Variants in METTL1 observed in about 807,000 individuals in gnomAD.
METTL1 encodes methyltransferase 1, tRNA methylguanosine, also known as tRNA (guanine-N(7)-)-methyltransferase.
METTL1 carries 14 observed loss-of-function variants against 27.7 expected under a neutral mutation model. That is an observed-to-expected ratio of 0.51 (90% CI 0.33 to 0.79). The LOEUF (loss-of-function observed/expected upper bound fraction) is 0.79. Ranked by LOEUF, METTL1 falls within the 30% of genes least tolerant of loss-of-function variation. The pLI is 0.02. For missense variants in METTL1, 333 were observed against 359.6 expected (o/e 0.93, Z 0.60); for synonymous variants, 138 against 137.0 (o/e 1.01, Z -0.05).
At chr12:57,771,623 A>G in intron 1 of METTL1, 2 of 1,535,400 alleles carry the variant, frequency 1.3e-6, no homozygotes, top group African/African-American at 1.4e-5. Context: ...GAGGGAAGGT[A>G]AGGTAAGGTG....
intron 1 of METTL1, chr12:57,771,547 T>C (rs748620376): frequency 2.0e-6 from 3 of 1,534,432 alleles, no homozygotes; most frequent in Non-Finnish European, 2.6e-6. Flanking sequence ...GGGGCACAAG[T>C]TCCCCTTCTC....
chr12:57,772,087 C>G lies in METTL1; in HGVS notation c.-4G>C. 1 of 1,570,294 alleles carries G rather than the reference C, an allele frequency of 6.4e-7. No homozygotes were observed. Among genetic ancestry groups the G allele is most frequent in the Non-Finnish European group, 8.6e-7 (1 of 1,165,072 alleles). ...CGTTCCGAGTCTCGGCTGCCATGAT[C>G]CCAGTCCGGGGTTTCTCTACCAAAT... On this transcript the variant is annotated 5_prime_UTR_variant, in exon 1 of 6. Coordinates refer to ENST00000324871, the MANE Select transcript of METTL1 (RefSeq NM_005371.6). The surrounding 1 kb of genome is among the most constrained non-coding windows in gnomAD (Gnocchi z 4.1).
At chr12:57,771,367 T>C (rs1249248658) in intron 1 of METTL1, 110 bp from the exon 2 acceptor site, 2 of 1,480,406 alleles carry the variant, frequency 1.4e-6, no homozygotes, top group African/African-American at 2.8e-5. Context: ...GGGAGGAGGG[T>C]TTCTCAAAAA....
At chr12:57,769,181 T>G in intron 5 of METTL1, 30 bp from the exon 6 acceptor site, 2 of 1,602,826 alleles carry the variant, frequency 1.2e-6, no homozygotes, top group Non-Finnish European at 1.7e-6. Flanking sequence ...AATAAGTCCT[T>G]GCCCACTGTT....
At position 57,770,023 on chromosome 12, in the gene METTL1, A is replaced by G. The variant is rs1955410872; in HGVS notation, c.275-67T>C. The G allele has an allele frequency of 9.4e-6, 14 of 1,483,342 alleles. No homozygotes were observed. In the South Asian group the frequency reaches 1.7e-4, roughly 18 times the overall value. The allele number at this position is 1,483,342 out of a possible 1,614,324, so 91.9% of individuals were successfully genotyped here. Reference sequence around the variant, plus strand: ...GTAGGAAGTGCAAAGGGGTCAACACAGGAAAGGAAGCCTCAACCTGCAACT... The same window carrying G: ...GTAGGAAGTGCAAAGGGGTCAACACGGGAAAGGAAGCCTCAACCTGCAACT... On this transcript the variant is annotated intron_variant, in intron 2 of 5. Transcript: ENST00000324871.
chr12:57,771,358 G>A, intron 1 of METTL1, 101 bp from the exon 2 acceptor site: 2 of 1,495,370 alleles, frequency 1.3e-6, no homozygotes, highest in Non-Finnish European at 1.8e-6. Context: ...GAGGTAAAAG[G>A]GAGGAGGGTT....
At position 57,769,155 on chromosome 12, in the gene METTL1, G is replaced by A; in HGVS notation, c.676-4C>T. The A allele has an allele frequency of 1.3e-6, 2 of 1,599,734 alleles. No individual in the cohort carries two copies. Among genetic ancestry groups the A allele is most frequent in the Non-Finnish European group, 1.7e-6 (2 of 1,167,698 alleles). ...GTCCCACAACGGGGTCTTCACTCTGGGAGAAGGAAGGGTCCAATAAGTCCT... is the reference window on the plus strand; with the variant it reads ...GTCCCACAACGGGGTCTTCACTCTGAGAGAAGGAAGGGTCCAATAAGTCCT... On this transcript the variant is annotated splice_region_variant and splice_polypyrimidine_tract_variant and intron_variant, in intron 5 of 5. Coordinates refer to ENST00000324871, the MANE Select transcript of METTL1 (RefSeq NM_005371.6).
chr12:57,769,720 C>G lies in METTL1; in HGVS notation c.460-42G>C, dbSNP rs148946550. The G allele has an allele frequency of 1.9e-4, 309 of 1,606,912 alleles. 2 individuals are homozygous for G. In the East Asian group the frequency reaches 5.8e-3, roughly 30 times the overall value. On this transcript the variant is annotated intron_variant, in intron 3 of 5. Coordinates refer to ENST00000324871, the MANE Select transcript of METTL1 (RefSeq NM_005371.6). ...CACCAACAGGGTTGTGAGAGCCTGG[C>G]CTCCATGCCCCCACCTGCCTACCAG... is the stretch of plus-strand genomic sequence containing the variant.
Position 57,769,476 on chromosome 12 carries a change from G to A in METTL1, c.574-72C>T, listed in dbSNP as rs1346354325. The stretch of plus-strand genomic sequence containing the variant: ...GCAGCCAGATGAAGGAAGTGGTGGT[G>A]TGAGTCCCTAAATGCACCCCCACTG... On this transcript the variant is annotated intron_variant, in intron 4 of 5. Coordinates refer to ENST00000324871, the MANE Select transcript of METTL1 (RefSeq NM_005371.6). 3.8e-6 allele frequency: 6 copies of A among 1,594,864 alleles called. No homozygotes were observed. In the East Asian group the frequency reaches 1.3e-4, roughly 36 times the overall value.
At position 57,768,626 on chromosome 12, in the gene METTL1, G is replaced by C. The variant is rs546732409; in HGVS notation, c.*370C>G. The C allele has an allele frequency of 5.9e-5, 13 of 220,116 alleles. No homozygotes were observed. Among genetic ancestry groups the C allele is most frequent in the Non-Finnish European group, 1.0e-4 (11 of 109,450 alleles). 13.6% of individuals were successfully genotyped at this position (220,116 alleles called of 1,614,324 possible). A position where few individuals can be genotyped will look rare whatever the true frequency, so the allele number is the denominator to read the frequency against. ...TATCCCAGGATCCACAAAGCAAACA[G>C]AAGTGGTAATTGAGCCTAGCAAGCA... On this transcript the variant is annotated 3_prime_UTR_variant, in exon 6 of 6. Transcript: ENST00000324871.
intron 2 of METTL1, 38 bp from the exon 3 acceptor site, chr12:57,769,994 A>C: frequency 1.3e-6 from 2 of 1,555,044 alleles, no homozygotes; most frequent in Non-Finnish European, 1.7e-6. Flanking sequence ...TCAACCATAT[A>C]CTTGTAGGAA....
At chr12:57,770,878 C>T (rs975329863) in intron 2 of METTL1, 1 of 502,070 alleles carries the variant, frequency 2.0e-6, no homozygotes, top group Admixed American at 3.2e-5. Context: ...CCAGAAAGGA[C>T]AACCCAGGTT....
At position 57,772,078 on chromosome 12, in the gene METTL1, T is replaced by G. The variant is rs755913495; in HGVS notation, c.6A>C (p.Ala2=). 4.5e-6 allele frequency: 7 copies of G among 1,565,050 alleles called. No homozygotes were observed. The Middle Eastern group carries it at 5.1e-4, about 114-fold the overall frequency. The stretch of plus-strand genomic sequence containing the variant: ...CTCCGGCCACGTTCCGAGTCTCGGC[T>G]GCCATGATCCCAGTCCGGGGTTTCT... M[A]AETRNVAGAE... The change falls in exon 1 of 6, where the codon GCA becomes GCC. Residue 2 remains alanine (A), a synonymous_variant. Transcript: ENST00000324871. This position sits in a 1 kb window ranked among gnomAD's most constrained non-coding sequence, Gnocchi z 4.1.
Position 57,769,424 on chromosome 12 carries a change from C to T in METTL1, c.574-20G>A. 6.2e-7 allele frequency: 1 copy of T among 1,613,516 alleles called. No homozygotes were observed. The highest frequency in any genetic ancestry group is 1.1e-5 in the South Asian group (1 of 91,032). ...CAGCCCCTGCATAGGCAAAATCACC[C>T]TAGACAGGAGGCTGCATGCAACGTC... On this transcript the variant is annotated intron_variant, in intron 4 of 5. Transcript: ENST00000324871.
intron 2 of METTL1, chr12:57,770,802 T>C: frequency 3.2e-6 from 1 of 308,610 alleles, no homozygotes; most frequent in East Asian, 6.0e-5. Flanking sequence ...TAATCTCTGA[T>C]GCTTGTGCTG....
intron 1 of METTL1, chr12:57,771,611 G>A (rs1287678544): frequency 7.2e-6 from 11 of 1,535,334 alleles, no homozygotes; most frequent in Middle Eastern, 1.7e-4. Context: ...GTGCTCTGCG[G>A]GGAGGGAAGG....
Position 57,769,559 on chromosome 12 carries a change from A to T in METTL1, c.573+6T>A. 1 of 1,551,850 alleles carries T rather than the reference A, an allele frequency of 6.4e-7. No individual in the cohort carries two copies. The highest frequency in any genetic ancestry group is 8.7e-7 in the Non-Finnish European group (1 of 1,146,390). On this transcript the variant is annotated splice_donor_region_variant and intron_variant, in intron 4 of 5. Transcript: ENST00000324871. ...TCACCCCATCATCCCTCCGATCCCAACTCACCCCAACTCTTAGCACGTAGG... is the reference window on the plus strand; with the variant it reads ...TCACCCCATCATCCCTCCGATCCCATCTCACCCCAACTCTTAGCACGTAGG...
rs1243564464 is a variant in METTL1, at chr12:57,768,717, G to A, written c.*279C>T. On this transcript the variant is annotated 3_prime_UTR_variant, in exon 6 of 6. Coordinates refer to ENST00000324871, the MANE Select transcript of METTL1 (RefSeq NM_005371.6). Reference sequence around the variant, plus strand: ...TCTCACAAGGAGAAAGGAGTGCTAAGGAAGAGCAAGACCCCACAGCCTTCC... The same window carrying A: ...TCTCACAAGGAGAAAGGAGTGCTAAAGAAGAGCAAGACCCCACAGCCTTCC... 2.5e-6 allele frequency: 1 copy of A among 394,960 alleles called. No individual in the cohort carries two copies. The highest frequency in any genetic ancestry group is 6.7e-4 in the Middle Eastern group (1 of 1,488). 24.5% of individuals were successfully genotyped at this position (394,960 alleles called of 1,614,324 possible). A position where few individuals can be genotyped will look rare whatever the true frequency, so the allele number is the denominator to read the frequency against.
intron 2 of METTL1, 124 bp from the exon 3 acceptor site, chr12:57,770,080 G>T: frequency 1.0e-6 from 1 of 959,150 alleles, no homozygotes; most frequent in South Asian, 1.7e-5. Context: ...AGAGGACAGA[G>T]ATACATATAT....
Sources: gnomAD v4.1 joint callset for allele counts on GRCh38, gnomAD v4.1.1 for gene constraint, Gnocchi (gnomAD v3.1) non-coding constraint, MANE v1.5 for transcripts, NCBI Gene and HGNC (gene_info 2026-07-23, HGNC 2026-07-21) for gene names.